The following NUP210L variants were observed in gnomAD, a reference collection of about 807,000 sequenced individuals.
NUP210L encodes nuclear pore membrane glycoprotein 210-like.
A neutral mutation model predicts 208.5 loss-of-function variants in NUP210L; 74 were observed. The observed-to-expected ratio is 0.35, with a 90% CI of 0.29 to 0.43. The LOEUF (loss-of-function observed/expected upper bound fraction) is 0.43, where lower values mean the gene tolerates loss of function less well. NUP210L is among the 20% of genes least tolerant of loss of function. NUP210L has a pLI of 1.00. For synonymous variants in NUP210L, 780 were observed against 816.9 expected (o/e 0.95, Z 0.77); for missense variants, 1,843 against 2,289.4 (o/e 0.81, Z 3.98).
intron 35 of NUP210L, among the ~76,000 whole-genome samples, chr1:154,003,593 C>A (rs1000231395): frequency 1.4e-4 from 22 of 152,012 alleles, no homozygotes; most frequent in African/African-American, 5.3e-4. Context: ...ACCTTGAATT[C>A]TTGGGCTCAA....
intron 32 of NUP210L, 115 bp from the exon 33 acceptor site, chr1:154,019,184 G>T: frequency 1.0e-6 from 1 of 962,310 alleles, no homozygotes; most frequent in Non-Finnish European, 1.5e-6. Flanking sequence ...CTTCCCAGGA[G>T]AAACAGCCAG....
chr1:154,110,001 AGGCAGGTGGATCAC>A (rs1212137973), intron 12 of NUP210L, among the ~76,000 whole-genome samples: 4 of 151,290 alleles, frequency 2.6e-5, no homozygotes, highest in African/African-American at 7.4e-5. Flanking sequence ...TGGGAGGCTG[AGGCAGGTGGATCAC>A]CTGAGGTCAG....
intron 25 of NUP210L, among the ~76,000 whole-genome samples, chr1:154,053,249 A>C (rs1444225050): frequency 6.6e-6 from 1 of 152,264 alleles, no homozygotes; most frequent in Non-Finnish European, 1.5e-5. Flanking sequence ...ACCTGTTAAC[A>C]TGGATAAAAA....
chr1:154,076,251 G>A (rs1436867872), intron 16 of NUP210L, among the ~76,000 whole-genome samples: 2 of 151,754 alleles, frequency 1.3e-5, no homozygotes, highest in African/African-American at 4.8e-5. Flanking sequence ...CTACAGGCGT[G>A]TGCCACCACG....
chr1:154,037,373 T>A (rs1381573875), intron 27 of NUP210L, among the ~76,000 whole-genome samples: 1 of 152,158 alleles, frequency 6.6e-6, no homozygotes, highest in African/African-American at 2.4e-5. Context: ...CAGTATTGGG[T>A]GCATATATAT....
chr1:154,103,531 G>A (rs1345438042), intron 13 of NUP210L, among the ~76,000 whole-genome samples: 10 of 149,880 alleles, frequency 6.7e-5, no homozygotes, highest in Non-Finnish European at 1.2e-4. Flanking sequence ...AATTAGCCGG[G>A]CGTGGTAGCG....
At chr1:154,062,954 T>G (rs1654218179) in intron 17 of NUP210L, among the ~76,000 whole-genome samples, 1 of 152,176 alleles carries the variant, frequency 6.6e-6, no homozygotes, top group African/African-American at 2.4e-5. Context: ...GTCCTCAATA[T>G]ATAATCATGC....
intron 35 of NUP210L, among the ~76,000 whole-genome samples, chr1:154,006,826 A>G (rs1316849822): frequency 2.2e-5 from 3 of 136,094 alleles, no homozygotes; most frequent in Non-Finnish European, 4.7e-5. Context: ...CCATATATAT[A>G]TATATATATA....
At chr1:154,096,449 G>A (rs1273052613) in intron 14 of NUP210L, among the ~76,000 whole-genome samples, 1 of 152,138 alleles carries the variant, frequency 6.6e-6, no homozygotes, top group Non-Finnish European at 1.5e-5. Flanking sequence ...AGTAGGTAAA[G>A]AATATAATAA....
At chr1:154,028,952 G>A (rs908292150) in intron 28 of NUP210L, among the ~76,000 whole-genome samples, 13 of 151,458 alleles carry the variant, frequency 8.6e-5, no homozygotes, top group African/African-American at 7.3e-5. Context: ...AAAATTAGCC[G>A]GGCATGGTGG....
chr1:154,152,755 A>C lies in NUP210L; in HGVS notation c.321T>G (p.Ile107Met), dbSNP rs537647914. 6.3e-5 allele frequency: 102 copies of C among 1,613,994 alleles called. No individual in the cohort carries two copies. Among genetic ancestry groups the C allele is most frequent in the Non-Finnish European group, 8.6e-5 (102 of 1,179,960 alleles). ...ACATACCTATTTCTCGAGCAAGAAT[A>C]ATACTGCTGAGGCGTATCGGTTGCG... Residue 107 changes from isoleucine to methionine, a missense_variant, in exon 2 of 40, where the codon ATT becomes ATG. By Grantham distance (10) the Ile-to-Met change is conservative. Coordinates refer to ENST00000368559, the Ensembl canonical transcript of NUP210L.
intron 16 of NUP210L, among the ~76,000 whole-genome samples, chr1:154,083,039 A>G (rs1246307156): frequency 2.0e-5 from 3 of 152,202 alleles, no homozygotes; most frequent in African/African-American, 7.2e-5. Flanking sequence ...TCATGAAGGT[A>G]GTGTGGACCC....
intron 16 of NUP210L, 121 bp from the exon 17 acceptor site, chr1:154,070,586 A>C: frequency 1.6e-6 from 1 of 607,370 alleles, no homozygotes; most frequent in African/African-American, 1.9e-5. Context: ...AAAAATTTGC[A>C]AACTTATAGC....
chr1:154,129,164 T>C, intron 8 of NUP210L, 113 bp downstream of exon 8: 1 of 625,102 alleles, frequency 1.6e-6, no homozygotes, highest in Non-Finnish European at 2.8e-6. Flanking sequence ...AGGTTGAATT[T>C]GAAATTAAGT....
At chr1:154,149,942 C>T (rs1387899580) in intron 2 of NUP210L, among the ~76,000 whole-genome samples, 1 of 152,206 alleles carries the variant, frequency 6.6e-6, no homozygotes, top group Non-Finnish European at 1.5e-5. Flanking sequence ...AAATTATGCT[C>T]TCAGCCGGGT....
intron 7 of NUP210L, among the ~76,000 whole-genome samples, chr1:154,133,835 G>A (rs1366126151): frequency 6.7e-6 from 1 of 149,996 alleles, no homozygotes; most frequent in Admixed American, 6.7e-5. Flanking sequence ...GCAACAGAGT[G>A]AGACCCTGTC....
At chr1:154,126,224 A>G in intron 10 of NUP210L, 99 bp downstream of exon 10, 1 of 986,006 alleles carries the variant, frequency 1.0e-6, no homozygotes, top group Non-Finnish European at 1.5e-6. Flanking sequence ...TTTCTGAAAG[A>G]TAAAGGTGGT....
chr1:154,152,989 C>A, intron 1 of NUP210L, 117 bp from the exon 2 acceptor site: 2 of 830,952 alleles, frequency 2.4e-6, no homozygotes, highest in Non-Finnish European at 3.8e-6. Flanking sequence ...GTAAATGACA[C>A]TTTTTAAAGA....
chr1:153,998,876 G>A (rs1231907837), intron 37 of NUP210L, among the ~76,000 whole-genome samples: 1 of 151,734 alleles, frequency 6.6e-6, no homozygotes, highest in East Asian at 1.9e-4. Context: ...CACCATGCCT[G>A]GCTAATTCTT....
Sources: gnomAD v4.1 joint callset for allele counts (sites outside exome capture counted in the v4.1 genomes callset) on GRCh38, gnomAD v4.1.1 for gene constraint, MANE v1.5 for transcripts, NCBI Gene and HGNC (gene_info 2026-07-23, HGNC 2026-07-21) for gene names.